Variants in C2orf76 observed in about 807,000 individuals in gnomAD.
C2orf76 encodes the protein chromosome 2 open reading frame 76.
Under a neutral mutation model 16.9 loss-of-function variants are expected in C2orf76, and 23 were observed. The ratio of observed to expected loss-of-function variants is 1.36; its 90% CI spans 0.98 to 1.93. The LOEUF (loss-of-function observed/expected upper bound fraction) is 1.93, where lower values mean the gene tolerates loss of function less well. Ranked by LOEUF, C2orf76 falls within the 30% of genes most tolerant of loss-of-function variation. C2orf76 has a pLI of 0.00. For missense variants in C2orf76, 152 were observed against 152.6 expected, an observed-to-expected ratio of 1.00 and a Z score of 0.02; for synonymous variants, 48 against 52.3, an observed-to-expected ratio of 0.92 and a Z score of 0.35.
intron 5 of C2orf76, among the ~76,000 whole-genome samples, chr2:119,309,201 A>C (rs1226951111): frequency 6.6e-6 from 1 of 152,082 alleles, no homozygotes; most frequent in African/African-American, 2.4e-5. Context: ...CCCAGACTAG[A>C]GTCTTAACAC....
chr2:119,285,259 G>T, the C2orf76 span, among the ~76,000 whole-genome samples: 1,288 of 152,254 alleles, frequency 8.5e-3, 18 homozygotes, highest in African/African-American at 0.029. Flanking sequence ...TATTTAACAT[G>T]ATATAGTGCG....
At chr2:119,323,243 A>G (rs1429235197) in intron 2 of C2orf76, among the ~76,000 whole-genome samples, 1 of 151,668 alleles carries the variant, frequency 6.6e-6, no homozygotes, top group Non-Finnish European at 1.5e-5. Flanking sequence ...CTGATCTAAA[A>G]TTCCTGGGCT....
the C2orf76 span, among the ~76,000 whole-genome samples, chr2:119,292,820 A>C: frequency 6.6e-6 from 1 of 152,132 alleles, no homozygotes; most frequent in Admixed American, 6.5e-5. Flanking sequence ...GGATCACCTG[A>C]AGTCAGGAGT....
chr2:119,312,254 G>A (rs1288650303), intron 4 of C2orf76, among the ~76,000 whole-genome samples: 13 of 151,674 alleles, frequency 8.6e-5, no homozygotes, highest in African/African-American at 9.7e-5. Flanking sequence ...TCCTTTTTTC[G>A]TTTTGTTTTT....
chr2:119,321,390 A>G (rs1425433542), intron 2 of C2orf76, among the ~76,000 whole-genome samples, 186 bp from the exon 3 acceptor site: 1 of 152,194 alleles, frequency 6.6e-6, no homozygotes, highest in Non-Finnish European at 1.5e-5. Flanking sequence ...ATACCACTAT[A>G]AAGAAATACC....
chr2:119,300,545 C>CT (rs2104525631), downstream of C2orf76, among the ~76,000 whole-genome samples: 1 of 152,290 alleles, frequency 6.6e-6, no homozygotes, highest in East Asian at 1.9e-4. Context: ...GTTCCATGTA[C>CT]TTTACACTCC....
At chr2:119,316,614 G>A (rs7560740) in intron 4 of C2orf76, among the ~76,000 whole-genome samples, 104,646 of 152,090 alleles carry the variant, frequency 0.69, 36,480 homozygotes, top group African/African-American at 0.8. Flanking sequence ...TGTATGGAGT[G>A]CATCTACGAC....
intron 1 of C2orf76, among the ~76,000 whole-genome samples, chr2:119,342,321 A>T (rs1680057591): frequency 6.6e-6 from 1 of 152,180 alleles, no homozygotes; most frequent in Non-Finnish European, 1.5e-5. Context: ...GTTTGATAGG[A>T]GACAATTGGC....
intron 3 of C2orf76, among the ~76,000 whole-genome samples, chr2:119,318,673 G>A (rs1679253912): frequency 6.6e-6 from 1 of 151,998 alleles, no homozygotes; most frequent in Admixed American, 6.6e-5. Context: ...GGGATTACAG[G>A]CTCCCACCAC....
intron 1 of C2orf76, among the ~76,000 whole-genome samples, chr2:119,341,920 A>G (rs1680043562): frequency 6.6e-6 from 1 of 152,204 alleles, no homozygotes; most frequent in Non-Finnish European, 1.5e-5. Flanking sequence ...GACTTAAAGG[A>G]GCAGTACTTT....
intron 2 of C2orf76, among the ~76,000 whole-genome samples, chr2:119,333,008 C>A (rs1255463371): frequency 6.6e-6 from 1 of 152,150 alleles, no homozygotes; most frequent in Non-Finnish European, 1.5e-5. Flanking sequence ...GCTGGGATTA[C>A]GGTGTGAGCC....
intron 2 of C2orf76, among the ~76,000 whole-genome samples, chr2:119,322,296 T>C (rs1679369026): frequency 6.6e-6 from 1 of 151,954 alleles, no homozygotes; most frequent in Non-Finnish European, 1.5e-5. Context: ...AGCCTCGACC[T>C]CCCAGACTCA....
chr2:119,334,379 C>CAAAAAA (rs34753333), intron 2 of C2orf76, among the ~76,000 whole-genome samples: 62 of 71,596 alleles, frequency 8.7e-4, no homozygotes, highest in Admixed American at 1.9e-3. Flanking sequence ...GTATGCAAAG[C>CAAAAAA]AAAAAAAAAA....
At chr2:119,363,308 C>T (rs566174724) in intron 1 of C2orf76, among the ~76,000 whole-genome samples, 1 of 151,932 alleles carries the variant, frequency 6.6e-6, no homozygotes, top group African/African-American at 2.4e-5. Flanking sequence ...CCCATAGTCC[C>T]AGCTACTCGG....
chr2:119,344,986 T>G (rs542619829), intron 1 of C2orf76, among the ~76,000 whole-genome samples: 1 of 152,188 alleles, frequency 6.6e-6, no homozygotes, highest in Non-Finnish European at 1.5e-5. Context: ...TAACAATGGA[T>G]TCTTATCTCA....
chr2:119,327,614 CCT>C (rs367953756), intron 2 of C2orf76, among the ~76,000 whole-genome samples: 81 of 149,752 alleles, frequency 5.4e-4, no homozygotes, highest in African/African-American at 1.3e-3. Context: ...ATATCTTCTC[CCT>C]CTCTCTCTCT....
chr2:119,353,678 G>A (rs527674371), intron 1 of C2orf76, among the ~76,000 whole-genome samples: 9 of 151,222 alleles, frequency 6.0e-5, no homozygotes, highest in South Asian at 2.1e-4. Flanking sequence ...ATTCTCCTGC[G>A]CAGCCTCCAG....
the C2orf76 span, among the ~76,000 whole-genome samples, chr2:119,284,260 C>T: frequency 6.6e-6 from 1 of 152,198 alleles, no homozygotes; most frequent in African/African-American, 2.4e-5. Flanking sequence ...CCTGGCTGAG[C>T]CATGCCGCAG....
chr2:119,306,344 C>G (rs968111986), intron 5 of C2orf76, among the ~76,000 whole-genome samples: 4 of 152,124 alleles, frequency 2.6e-5, no homozygotes, highest in Non-Finnish European at 5.9e-5. Flanking sequence ...GAGGCGTGAA[C>G]GACAGGGTTC....
Sources: allele counts gnomAD v4.1 joint callset (sites outside exome capture counted in the v4.1 genomes callset), GRCh38; gene constraint gnomAD v4.1.1; transcripts MANE v1.5; gene names NCBI Gene and HGNC (gene_info 2026-07-23, HGNC 2026-07-21).